The following AP3B1 variants were observed in gnomAD, a reference collection of about 807,000 sequenced individuals.
AP3B1 encodes the protein AP-3 complex subunit beta-1.
In AP3B1, 61 loss-of-function variants were observed where a neutral mutation model predicts 132.5. The observed-to-expected ratio is 0.46, with a 90% CI of 0.37 to 0.57. The LOEUF (loss-of-function observed/expected upper bound fraction) is 0.57. Ranked by LOEUF, AP3B1 falls within the 20% of genes least tolerant of loss-of-function variation. The pLI, the probability that AP3B1 is intolerant of heterozygous loss-of-function variation, is 0.00. For missense variants in AP3B1, 1,120 were observed against 1,289.4 expected, an observed-to-expected ratio of 0.87 and a Z score of 2.01; for synonymous variants, 388 against 438.3, an observed-to-expected ratio of 0.89 and a Z score of 1.43.
chr5:78,171,771 C>A (rs1743928517), intron 11 of AP3B1, among the ~76,000 whole-genome samples: 1 of 152,188 alleles, frequency 6.6e-6, no homozygotes, highest in Non-Finnish European at 1.5e-5. Context: ...ACTGCCAACA[C>A]CACGTTGAGT....
intron 22 of AP3B1, among the ~76,000 whole-genome samples, chr5:78,075,183 A>AG (rs771095429): frequency 5.9e-5 from 9 of 152,230 alleles, no homozygotes; most frequent in Non-Finnish European, 1.2e-4. Context: ...GAGAACTGGT[A>AG]GGGGGGTGGT....
intron 26 of AP3B1, among the ~76,000 whole-genome samples, chr5:78,004,082 G>C (rs1561347433): frequency 6.6e-6 from 1 of 151,934 alleles, no homozygotes; most frequent in Non-Finnish European, 1.5e-5. Context: ...TCTGTGACCT[G>C]CTGTGACCCC....
chr5:78,048,826 A>G (rs774371551), intron 22 of AP3B1, among the ~76,000 whole-genome samples: 1 of 152,162 alleles, frequency 6.6e-6, no homozygotes, highest in Non-Finnish European at 1.5e-5. Flanking sequence ...GGATTCTATC[A>G]TCTATCTCCC....
intron 14 of AP3B1, among the ~76,000 whole-genome samples, chr5:78,152,622 CATT>C (rs1467664013): frequency 6.6e-6 from 1 of 151,992 alleles, no homozygotes; most frequent in African/African-American, 2.4e-5. Context: ...TAAGATACAT[CATT>C]AAGTTATTTA....
chr5:78,073,018 C>T (rs764047386), intron 22 of AP3B1, among the ~76,000 whole-genome samples: 85 of 151,994 alleles, frequency 5.6e-4, no homozygotes, highest in Non-Finnish European at 9.9e-4. Flanking sequence ...CCACGCCCAG[C>T]CCACGTCTGA....
chr5:78,228,208 C>A lies in AP3B1; in HGVS notation c.311G>T (p.Arg104Leu). Residue 104 changes from arginine to leucine, a missense_variant, in exon 4 of 27, where the codon CGA becomes CTA. Coordinates refer to ENST00000255194, the MANE Select transcript of AP3B1 (RefSeq NM_003664.5). Reference sequence around the variant, plus strand: ...AAGATCCTGCTGTTCTTCAGCATATCGAACCAGGTAAACATATACCAACTT... The same window carrying A: ...AAGATCCTGCTGTTCTTCAGCATATAGAACCAGGTAAACATATACCAACTT... ...IKKLVYVYLV[R>L]YAEEQQDLAL... The A allele has an allele frequency of 1.2e-6, 2 of 1,611,162 alleles. No homozygotes were observed.
chr5:78,075,897 T>C (rs1484305685), intron 22 of AP3B1, among the ~76,000 whole-genome samples: 2 of 152,318 alleles, frequency 1.3e-5, no homozygotes, highest in South Asian at 2.1e-4. Context: ...TGGTCCTCAA[T>C]GGTAATTCAA....
chr5:78,087,613 C>A, intron 22 of AP3B1: 1 of 985,330 alleles, frequency 1.0e-6, no homozygotes, highest in Non-Finnish European at 1.2e-6. Context: ...CTTCACTCAG[C>A]CGTGTCAACT....
intron 7 of AP3B1, among the ~76,000 whole-genome samples, chr5:78,190,814 T>A (rs1744795739): frequency 1.3e-5 from 2 of 152,224 alleles, no homozygotes; most frequent in Admixed American, 6.5e-5. Context: ...TTAAGAAACT[T>A]TCTTTCTAGA....
intron 22 of AP3B1, among the ~76,000 whole-genome samples, chr5:78,068,172 A>C (rs1185419159): frequency 6.6e-6 from 1 of 152,084 alleles, no homozygotes. Flanking sequence ...TAAAAATACA[A>C]AATTAGCTGG....
chr5:78,120,539 A>G (rs1273193895), intron 17 of AP3B1, among the ~76,000 whole-genome samples: 17 of 152,136 alleles, frequency 1.1e-4, no homozygotes, highest in Non-Finnish European at 2.1e-4. Flanking sequence ...CAGGGGTTGC[A>G]ATCCTAGTCT....
intron 22 of AP3B1, among the ~76,000 whole-genome samples, chr5:78,065,791 G>C (rs1324342922): frequency 1.3e-5 from 2 of 152,174 alleles, no homozygotes; most frequent in Non-Finnish European, 2.9e-5. Flanking sequence ...CCCCCGCACA[G>C]AGCAACCCCT....
intron 22 of AP3B1, among the ~76,000 whole-genome samples, chr5:78,069,261 A>G (rs1749428820): frequency 6.6e-6 from 1 of 152,098 alleles, no homozygotes; most frequent in Non-Finnish European, 1.5e-5. Flanking sequence ...CTGGTCAATC[A>G]GGCAAGAGAA....
intron 15 of AP3B1, among the ~76,000 whole-genome samples, chr5:78,138,290 A>AC (rs753402461): frequency 1.3e-5 from 2 of 152,020 alleles, no homozygotes; most frequent in Non-Finnish European, 2.9e-5. Context: ...ACATGGTGAA[A>AC]CCCCATCTCT....
intron 17 of AP3B1, among the ~76,000 whole-genome samples, chr5:78,127,375 C>T (rs937268894): frequency 6.6e-6 from 1 of 152,098 alleles, no homozygotes; most frequent in Non-Finnish European, 1.5e-5. Flanking sequence ...AGGCCTCTCT[C>T]ACTTTTTCTT....
intron 14 of AP3B1, among the ~76,000 whole-genome samples, chr5:78,154,626 C>T (rs1242361156): frequency 6.6e-6 from 1 of 151,958 alleles, no homozygotes; most frequent in Non-Finnish European, 1.5e-5. Flanking sequence ...TATAGCTGTG[C>T]TTCATTCTTT....
At chr5:78,193,766 A>ATTTTTTT (rs1379149753) in intron 7 of AP3B1, among the ~76,000 whole-genome samples, 4 of 98,310 alleles carry the variant, frequency 4.1e-5, no homozygotes, top group Admixed American at 1.3e-4. Context: ...ATATATATAT[A>ATTTTTTT]TATATTTTTT....
chr5:78,132,348 G>A lies in AP3B1; in HGVS notation c.1651-3041C>T, dbSNP rs148652285. Among the ~76,000 whole-genome samples the A allele has an allele frequency of 8.5e-5, 13 of 152,194 alleles. No homozygotes were observed. In the East Asian group the frequency reaches 2.5e-3, roughly 29 times the overall value. The stretch of plus-strand genomic sequence containing the variant: ...TTACAACAGCATTTGCAATATTTTT[G>A]ACAGAATAAACTTCCAAAAGCTTTA... On this transcript the variant is annotated intron_variant, in intron 15 of 26. Transcript: ENST00000255194.
intron 25 of AP3B1, among the ~76,000 whole-genome samples, chr5:78,017,607 C>A (rs1159790420): frequency 6.6e-6 from 1 of 151,894 alleles, no homozygotes; most frequent in Non-Finnish European, 1.5e-5. Flanking sequence ...AAGATAGATG[C>A]ATAAATCATA....
Sources: gnomAD v4.1 joint callset for allele counts (sites outside exome capture counted in the v4.1 genomes callset) on GRCh38, gnomAD v4.1.1 for gene constraint, MANE v1.5 for transcripts, NCBI Gene and HGNC (gene_info 2026-07-23, HGNC 2026-07-21) for gene names.